CADM2: variants seen among roughly 807,000 people sequenced by gnomAD.
The protein encoded by CADM2 is cell adhesion molecule 2.
Under a neutral mutation model 49.8 loss-of-function variants are expected in CADM2, and 12 were observed. That is an observed-to-expected ratio of 0.24 (90% confidence interval 0.15 to 0.39). The LOEUF is 0.39. Among genes scored for constraint, CADM2 ranks in the 10% least tolerant of loss-of-function variants. CADM2 has a pLI of 1.00. For missense variants in CADM2, 378 were observed against 492.3 expected, an observed-to-expected ratio of 0.77 and a Z score of 2.20; for synonymous variants, 214 against 175.4, an observed-to-expected ratio of 1.22 and a Z score of -1.74.
intron 1 of CADM2, among the ~76,000 whole-genome samples, chr3:85,209,887 TAAAACTC>T (rs1444185339): frequency 6.6e-6 from 1 of 152,098 alleles, no homozygotes; most frequent in Non-Finnish European, 1.5e-5. Flanking sequence ...TCGTAGAACA[TAAAACTC>T]AAAATAGCAG....
intron 2 of CADM2, among the ~76,000 whole-genome samples, chr3:85,782,920 C>T (rs1326122461): frequency 1.3e-5 from 2 of 152,052 alleles, no homozygotes; most frequent in Non-Finnish European, 2.9e-5. Flanking sequence ...ATATTGCATT[C>T]TTCCAAAAGT....
At chr3:85,459,705 A>G (rs2038154056) in intron 1 of CADM2, among the ~76,000 whole-genome samples, 1 of 152,100 alleles carries the variant, frequency 6.6e-6, no homozygotes, top group South Asian at 2.1e-4. Flanking sequence ...CATTTATTTT[A>G]TTGCTGATTC....
chr3:85,159,849 T>C (rs2040259257), intron 1 of CADM2, among the ~76,000 whole-genome samples: 1 of 152,154 alleles, frequency 6.6e-6, no homozygotes, highest in African/African-American at 2.4e-5. Flanking sequence ...AATGAGAAGT[T>C]CAAGTGTCAT....
At chr3:84,995,054 A>G (rs955699053) in intron 1 of CADM2, among the ~76,000 whole-genome samples, 1 of 152,124 alleles carries the variant, frequency 6.6e-6, no homozygotes, top group Non-Finnish European at 1.5e-5. Context: ...TAAATAAAAG[A>G]ATATGTAAGT....
chr3:85,764,373 T>A (rs1257787472), intron 2 of CADM2, among the ~76,000 whole-genome samples: 1 of 152,042 alleles, frequency 6.6e-6, no homozygotes, highest in African/African-American at 2.4e-5. Flanking sequence ...CATCCAGAGA[T>A]GGGAAGATGA....
At chr3:85,456,734 T>C (rs971514833) in intron 1 of CADM2, among the ~76,000 whole-genome samples, 10 of 152,066 alleles carry the variant, frequency 6.6e-5, no homozygotes, top group African/African-American at 2.4e-4. Flanking sequence ...ATAGGCCTAC[T>C]TTTTTCAGTG....
At chr3:85,658,773 G>A (rs2065300981) in intron 1 of CADM2, among the ~76,000 whole-genome samples, 1 of 150,544 alleles carries the variant, frequency 6.6e-6, no homozygotes, top group Non-Finnish European at 1.5e-5. Context: ...GGATCAAGCT[G>A]GACATGGTAA....
At chr3:85,928,623 AT>A (rs1720213806) in intron 6 of CADM2, among the ~76,000 whole-genome samples, 1 of 152,198 alleles carries the variant, frequency 6.6e-6, no homozygotes, top group Non-Finnish European at 1.5e-5. Flanking sequence ...TCTAAAGAAT[AT>A]TTTTTGTTTC....
At chr3:85,020,753 TG>T (rs2034464225) in intron 1 of CADM2, among the ~76,000 whole-genome samples, 5 of 151,592 alleles carry the variant, frequency 3.3e-5, no homozygotes, top group Non-Finnish European at 7.4e-5. Flanking sequence ...ACGGTGTGTG[TG>T]TGTGTGTGTA....
At chr3:85,267,836 A>G (rs1176676973) in intron 1 of CADM2, among the ~76,000 whole-genome samples, 2 of 151,682 alleles carry the variant, frequency 1.3e-5, no homozygotes, top group African/African-American at 4.8e-5. Context: ...GGAAATAGGC[A>G]GAATACATTT....
At chr3:85,569,844 T>C (rs2107236340) in intron 1 of CADM2, among the ~76,000 whole-genome samples, 1 of 152,268 alleles carries the variant, frequency 6.6e-6, no homozygotes, top group Admixed American at 6.5e-5. Flanking sequence ...TGGAAGGAAT[T>C]GCTGTGTGTC....
At chr3:85,866,383 C>G (rs2075721662) in intron 3 of CADM2, among the ~76,000 whole-genome samples, 1 of 152,126 alleles carries the variant, frequency 6.6e-6, no homozygotes. Flanking sequence ...GTTTCAGTCA[C>G]TCACTGGCCT....
chr3:85,136,278 C>T (rs1164206337), intron 1 of CADM2, among the ~76,000 whole-genome samples: 3 of 151,308 alleles, frequency 2.0e-5, no homozygotes, highest in Non-Finnish European at 4.4e-5. Context: ...AATTCACCCT[C>T]CTAAATGTAG....
intron 8 of CADM2, among the ~76,000 whole-genome samples, chr3:86,058,661 ACTTT>A (rs918244064): frequency 6.6e-5 from 10 of 151,994 alleles, no homozygotes; most frequent in African/African-American, 9.7e-5. Context: ...AATAATAATC[ACTTT>A]CTTTGTATAA....
intron 1 of CADM2, among the ~76,000 whole-genome samples, chr3:85,425,700 A>T (rs993485985): frequency 6.6e-6 from 1 of 152,186 alleles, no homozygotes. Context: ...GGTTGATCAG[A>T]TCCAACACCA....
At chr3:85,306,982 C>A (rs1040165623) in intron 1 of CADM2, among the ~76,000 whole-genome samples, 1 of 151,516 alleles carries the variant, frequency 6.6e-6, no homozygotes, top group African/African-American at 2.4e-5. Flanking sequence ...AACTGTTACT[C>A]CCTTTATCCC....
chr3:85,017,057 AC>A (rs1003762128), intron 1 of CADM2, among the ~76,000 whole-genome samples: 2 of 152,202 alleles, frequency 1.3e-5, no homozygotes, highest in Admixed American at 6.5e-5. Flanking sequence ...TAAGATCCAA[AC>A]ATTGAAGGAA....
intron 1 of CADM2, among the ~76,000 whole-genome samples, chr3:85,050,760 T>C (rs1319139601): frequency 1.3e-5 from 2 of 152,148 alleles, no homozygotes; most frequent in Admixed American, 6.6e-5. Flanking sequence ...TAATAAGAGG[T>C]ATTCAAATTG....
intron 1 of CADM2, among the ~76,000 whole-genome samples, chr3:85,154,337 C>T (rs2040029649): frequency 6.6e-6 from 1 of 151,980 alleles, no homozygotes; most frequent in Non-Finnish European, 1.5e-5. Context: ...GAAAGGGTAT[C>T]AGCGATGGAA....
Sources: allele counts gnomAD v4.1 joint callset (sites outside exome capture counted in the v4.1 genomes callset), GRCh38; gene constraint gnomAD v4.1.1; transcripts MANE v1.5; gene names NCBI Gene and HGNC (gene_info 2026-07-23, HGNC 2026-07-21).